The following SHCBP1L variants were observed in gnomAD, a reference collection of about 807,000 sequenced individuals.
SHCBP1L encodes SHC binding and spindle associated 1 like.
In SHCBP1L, 67 loss-of-function variants were observed where a neutral mutation model predicts 62.5. The ratio of observed to expected loss-of-function variants is 1.07; its 90% CI spans 0.88 to 1.31. The LOEUF is 1.31. Ranked by LOEUF, SHCBP1L falls within the 40% of genes most tolerant of loss-of-function variation. SHCBP1L has a pLI of 0.00. For synonymous variants in SHCBP1L, 284 were observed against 289.4 expected (o/e 0.98, Z 0.19); for missense variants, 823 against 809.8 (o/e 1.02, Z -0.20).
intron 2 of SHCBP1L, chr1:182,942,408 C>T (rs968491141): frequency 2.8e-6 from 2 of 714,196 alleles, no homozygotes; most frequent in Non-Finnish European, 5.2e-6. Context: ...GGTATCCTGG[C>T]GGCAGGCAGG....
At chr1:182,921,147 G>T (rs1245763891) in intron 6 of SHCBP1L, among the ~76,000 whole-genome samples, 1 of 152,144 alleles carries the variant, frequency 6.6e-6, no homozygotes, top group East Asian at 1.9e-4. Context: ...CACCTACAAA[G>T]GGAATCCTAT....
In SHCBP1L at chr1:182,939,285, T is replaced by C. The variant is rs925677666; in HGVS notation, c.967A>G (p.Asn323Asp). ...GCTGCAGATGGATCTTCTTTAATAT[T>C]GCTCTGATACTCAATGAGCTCGACA... is the stretch of plus-strand genomic sequence containing the variant. ...KRVELIEYQS[N>D]IKEDPSAAEA... is the part of the protein sequence containing the mutation. Residue 323 changes from asparagine to aspartate, a missense_variant, in exon 5 of 10, where the codon AAT becomes GAT. By Grantham distance (23) the Asn-to-Asp change is conservative. Transcript: ENST00000367547. 3.1e-6 allele frequency: 5 copies of C among 1,613,920 alleles called. No homozygotes were observed. The highest frequency in any genetic ancestry group is 3.4e-6 in the Non-Finnish European group (4 of 1,179,956).
chr1:182,921,244 T>G (rs560222824), intron 6 of SHCBP1L, among the ~76,000 whole-genome samples: 2 of 151,866 alleles, frequency 1.3e-5, no homozygotes, highest in Non-Finnish European at 2.9e-5. Context: ...GAAAAGAAAC[T>G]CCAACCAAGA....
intron 6 of SHCBP1L, among the ~76,000 whole-genome samples, chr1:182,915,238 A>G (rs1650320783): frequency 6.6e-6 from 1 of 151,374 alleles, no homozygotes. Flanking sequence ...GTTAACAGTG[A>G]AAGAATAAAA....
Position 182,952,225 on chromosome 1 carries a change from T to C in SHCBP1L, c.405+504A>G, listed in dbSNP as rs1480214828. ...ATATATATATATATATATATATATA[T>C]ATATATATATACACACACACACACA... On this transcript the variant is annotated intron_variant, in intron 1 of 9. Coordinates refer to ENST00000367547, the MANE Select transcript of SHCBP1L (RefSeq NM_030933.4). 2.0e-3 allele frequency among the ~76,000 whole-genome samples: 127 copies of C among 62,770 alleles called. 3 individuals are homozygous for C. Among genetic ancestry groups the C allele is most frequent in the African/African-American group, 0.011 (120 of 11,392 alleles). 41.2% of individuals were successfully genotyped at this position (62,770 alleles called of 152,430 possible).
chr1:182,949,289 A>G (rs1651671930), intron 2 of SHCBP1L, among the ~76,000 whole-genome samples: 1 of 152,044 alleles, frequency 6.6e-6, no homozygotes, highest in African/African-American at 2.4e-5. Flanking sequence ...TAAAAAAAAA[A>G]AAGTCATAAA....
intron 2 of SHCBP1L, among the ~76,000 whole-genome samples, chr1:182,949,898 C>T (rs1482562976): frequency 6.7e-6 from 1 of 149,068 alleles, no homozygotes; most frequent in Non-Finnish European, 1.5e-5. Flanking sequence ...GCCTCCCAGG[C>T]TCAAGCGATC....
chr1:182,920,032 A>G (rs958991261), intron 6 of SHCBP1L, among the ~76,000 whole-genome samples: 1 of 152,052 alleles, frequency 6.6e-6, no homozygotes, highest in Non-Finnish European at 1.5e-5. Flanking sequence ...TACAAACACC[A>G]CAGTCCCACC....
intron 6 of SHCBP1L, among the ~76,000 whole-genome samples, chr1:182,920,946 G>A (rs1650509519): frequency 6.6e-6 from 1 of 152,120 alleles, no homozygotes; most frequent in Non-Finnish European, 1.5e-5. Flanking sequence ...AAGCAAGCAA[G>A]CATATTTCAG....
At chr1:182,918,145 CAT>C (rs555292297) in intron 6 of SHCBP1L, among the ~76,000 whole-genome samples, 12 of 146,522 alleles carry the variant, frequency 8.2e-5, no homozygotes, top group East Asian at 2.0e-4. Context: ...TATATATACA[CAT>C]ATATATACAC....
rs774784407 is a variant in SHCBP1L at position 182,953,015 on chromosome 1, A to C, written c.119T>G (p.Leu40Arg). The change falls in exon 1 of 10, where the codon CTG (leucine) becomes CGG (arginine). Residue 40 changes from leucine (L) to arginine (R), a missense_variant. Physicochemically the swap from Leu to Arg is moderately radical, Grantham distance 102. Transcript: ENST00000367547. ...VSGDTAAATT[L>R]KGTAIPVRSV... ...CCGCACTGGGATCGCGGTGCCCTTC[A>C]GGGTGGTCGCGGCCGCCGTGTCCCC... 1.3e-6 allele frequency: 2 copies of C among 1,542,782 alleles called. No individual in the cohort carries two copies. The highest frequency in any genetic ancestry group is 2.7e-5 in the African/African-American group (2 of 73,130).
chr1:182,915,968 G>A (rs569211417), intron 6 of SHCBP1L, among the ~76,000 whole-genome samples: 1 of 151,912 alleles, frequency 6.6e-6, no homozygotes, highest in African/African-American at 2.4e-5. Flanking sequence ...CATCACGCCC[G>A]GCTAATTTTT....
chr1:182,904,000 A>C (rs1285961811), intron 8 of SHCBP1L, among the ~76,000 whole-genome samples, 180 bp downstream of exon 8: 1 of 152,018 alleles, frequency 6.6e-6, no homozygotes, highest in South Asian at 2.1e-4. Flanking sequence ...CTAGCATTTC[A>C]TTTTTCCTAA....
chr1:182,939,024 A>G (rs372064539), intron 5 of SHCBP1L, 152 bp downstream of exon 5: 75 of 581,742 alleles, frequency 1.3e-4, no homozygotes, highest in African/African-American at 1.3e-3. Context: ...CAATTTTCTA[A>G]TACTGATAGT....
intron 2 of SHCBP1L, among the ~76,000 whole-genome samples, chr1:182,940,975 C>A (rs1344197075): frequency 6.6e-6 from 1 of 152,020 alleles, no homozygotes; most frequent in Non-Finnish European, 1.5e-5. Flanking sequence ...CCTCAGCCTC[C>A]TCAGGACCTG....
intron 6 of SHCBP1L, among the ~76,000 whole-genome samples, chr1:182,926,849 C>T (rs1650766929): frequency 6.6e-6 from 1 of 151,780 alleles, no homozygotes; most frequent in Non-Finnish European, 1.5e-5. Flanking sequence ...GGGCATTATT[C>T]TAAGCATATT....
chr1:182,931,610 T>A (rs1650997143), intron 5 of SHCBP1L, among the ~76,000 whole-genome samples: 1 of 152,176 alleles, frequency 6.6e-6, no homozygotes, highest in South Asian at 2.1e-4. Flanking sequence ...ATAGGCTTTA[T>A]TTTTCAGAGC....
At chr1:182,939,077 A>T in intron 5 of SHCBP1L, 99 bp downstream of exon 5, 1 of 891,078 alleles carries the variant, frequency 1.1e-6, no homozygotes, top group Non-Finnish European at 1.7e-6. Flanking sequence ...CTAATTTTAT[A>T]CTTCACTTTA....
intron 2 of SHCBP1L, 101 bp downstream of exon 2, chr1:182,951,217 T>C (rs1481787946): frequency 1.1e-6 from 1 of 923,394 alleles, no homozygotes; most frequent in Non-Finnish European, 1.5e-6. Context: ...GAAGTAAAAA[T>C]GTGTCAACTC....
Sources: allele counts gnomAD v4.1 joint callset (sites outside exome capture counted in the v4.1 genomes callset), GRCh38; gene constraint gnomAD v4.1.1; transcripts MANE v1.5; gene names NCBI Gene and HGNC (gene_info 2026-07-23, HGNC 2026-07-21).